The following CFAP210 variants were observed in gnomAD, a reference collection of about 807,000 sequenced individuals.
CFAP210 encodes the protein cilia and flagella associated protein 210.
the CFAP210 span, among the ~76,000 whole-genome samples, chr2:169,673,017 T>C: frequency 6.6e-6 from 1 of 152,022 alleles, no homozygotes; most frequent in Non-Finnish European, 1.5e-5. Context: ...CAGTTGAGAG[T>C]ACAGTGAGGA....
the CFAP210 span, among the ~76,000 whole-genome samples, chr2:169,667,190 G>A: frequency 6.7e-6 from 1 of 148,570 alleles, no homozygotes; most frequent in Non-Finnish European, 1.5e-5. Flanking sequence ...CCAGGCTGGA[G>A]TGCAATGGCG....
chr2:169,653,030 ATATATATATATATATAT>A, the CFAP210 span, among the ~76,000 whole-genome samples: 55 of 9,070 alleles, frequency 6.1e-3, 1 homozygote, highest in Non-Finnish European at 8.3e-3. Flanking sequence ...AAAAAAAAAA[ATATATATATATATATAT>A]ATATATATAT....
At chr2:169,658,138 T>C in the CFAP210 span, 2 of 152,144 alleles carry the variant, frequency 1.3e-5, no homozygotes, top group African/African-American at 4.8e-5. Flanking sequence ...GAAAGTAATA[T>C]TCTATGCACA....
the CFAP210 span, among the ~76,000 whole-genome samples, chr2:169,655,164 C>G: frequency 1.3e-5 from 2 of 152,234 alleles, no homozygotes; most frequent in Admixed American, 6.5e-5. Flanking sequence ...GTTATTTAGA[C>G]AGGGTGTCTG....
chr2:169,651,042 C>T, the CFAP210 span, among the ~76,000 whole-genome samples: 1 of 151,646 alleles, frequency 6.6e-6, no homozygotes, highest in Non-Finnish European at 1.5e-5. Context: ...GCCTGACCAA[C>T]ATGGTGAAAC....
chr2:169,675,013 T>C, the CFAP210 span: 1 of 1,528,274 alleles, frequency 6.5e-7, no homozygotes, highest in Non-Finnish European at 8.7e-7. Flanking sequence ...CGCTTCTTTT[T>C]GGCTTCAAGT....
At chr2:169,667,142 CT>C in the CFAP210 span, among the ~76,000 whole-genome samples, 563 of 57,988 alleles carry the variant, frequency 9.7e-3, 1 homozygote, top group African/African-American at 0.02. Flanking sequence ...TTTCTTTTTT[CT>C]TTTTTTTTTT....
chr2:169,676,740 C>T, the CFAP210 span, among the ~76,000 whole-genome samples: 1 of 151,992 alleles, frequency 6.6e-6, no homozygotes, highest in South Asian at 2.1e-4. Context: ...TATGTCCTTT[C>T]CCAAAGATAA....
At chr2:169,669,989 C>G in the CFAP210 span, among the ~76,000 whole-genome samples, 1 of 152,126 alleles carries the variant, frequency 6.6e-6, no homozygotes. Flanking sequence ...CTTAAGCCCT[C>G]TTCTCTCTTT....
the CFAP210 span, chr2:169,662,279 C>G: frequency 6.3e-7 from 1 of 1,591,520 alleles, no homozygotes; most frequent in East Asian, 2.2e-5. Context: ...TTTCAACTTA[C>G]AAGAAACCGT....
At chr2:169,689,858 G>C in the CFAP210 span, among the ~76,000 whole-genome samples, 1 of 151,996 alleles carries the variant, frequency 6.6e-6, no homozygotes, top group Non-Finnish European at 1.5e-5. Flanking sequence ...ATGTAGTTTT[G>C]TTCCTTATTC....
chr2:169,646,302 CTGATT>C, the CFAP210 span: 1 of 729,892 alleles, frequency 1.4e-6, no homozygotes, highest in Non-Finnish European at 2.3e-6. Context: ...TTTACAAGTT[CTGATT>C]TAACAACTAT....
the CFAP210 span, among the ~76,000 whole-genome samples, chr2:169,680,744 T>C: frequency 6.6e-6 from 1 of 152,132 alleles, no homozygotes; most frequent in Non-Finnish European, 1.5e-5. Context: ...TGAGGAAATT[T>C]TGGGGTGAAG....
the CFAP210 span, chr2:169,649,317 TTG>T: frequency 6.2e-7 from 1 of 1,612,200 alleles, no homozygotes; most frequent in Non-Finnish European, 8.5e-7. Flanking sequence ...CTATTTTTCT[TTG>T]TCTTTCTTCT....
the CFAP210 span, chr2:169,662,176 T>G: frequency 8.1e-7 from 1 of 1,230,546 alleles, no homozygotes; most frequent in African/African-American, 1.5e-5. Flanking sequence ...TGGGTCAAAA[T>G]ACCACATGTA....
At chr2:169,663,796 TA>T in the CFAP210 span, among the ~76,000 whole-genome samples, 1,134 of 144,282 alleles carry the variant, frequency 7.9e-3, 16 homozygotes, top group South Asian at 0.028. Context: ...AAAATAATAA[TA>T]AAAAAAAAAA....
chr2:169,673,284 A>G, the CFAP210 span, among the ~76,000 whole-genome samples: 2 of 152,230 alleles, frequency 1.3e-5, no homozygotes, highest in South Asian at 4.1e-4. Context: ...TGAAGGTGTT[A>G]GCACTTGCCA....
At chr2:169,692,460 A>G in the CFAP210 span, among the ~76,000 whole-genome samples, 57 of 150,802 alleles carry the variant, frequency 3.8e-4, no homozygotes, top group African/African-American at 1.4e-3. Context: ...ACACACACAC[A>G]CACACACACA....
chr2:169,687,241 T>C, the CFAP210 span, among the ~76,000 whole-genome samples: 206 of 152,150 alleles, frequency 1.4e-3, no homozygotes, highest in Admixed American at 2.4e-3. Flanking sequence ...CCTCTAAATC[T>C]CATGTCCTCA....
Sources: allele counts gnomAD v4.1 joint callset (sites outside exome capture counted in the v4.1 genomes callset), GRCh38; gene constraint gnomAD v4.1.1; transcripts MANE v1.5; gene names NCBI Gene and HGNC (gene_info 2026-07-23, HGNC 2026-07-21).